MYOM2: variants seen among roughly 807,000 people sequenced by gnomAD.
The protein encoded by MYOM2 is myomesin-2.
A neutral mutation model predicts 187.6 loss-of-function variants in MYOM2; 254 were observed. That is an observed-to-expected ratio of 1.35 (90% CI 1.22 to 1.50). The LOEUF (loss-of-function observed/expected upper bound fraction) is 1.50, where lower values mean the gene tolerates loss of function less well. Ranked by LOEUF, MYOM2 falls within the 40% of genes most tolerant of loss-of-function variation. MYOM2 has a pLI of 0.00. For synonymous variants in MYOM2, 981 were observed against 753.8 expected, an observed-to-expected ratio of 1.30 and a Z score of -4.94; for missense variants, 2,796 against 1,924.0, an observed-to-expected ratio of 1.45 and a Z score of -8.48.
At chr8:2,121,216 A>G (rs1247248127) in intron 28 of MYOM2, among the ~76,000 whole-genome samples, 1 of 152,168 alleles carries the variant, frequency 6.6e-6, no homozygotes, top group Non-Finnish European at 1.5e-5. Context: ...TCAGTTCCTT[A>G]GGGAGTCAGC....
chr8:2,140,442 C>A (rs1798234449), intron 32 of MYOM2, among the ~76,000 whole-genome samples: 1 of 151,960 alleles, frequency 6.6e-6, no homozygotes, highest in Non-Finnish European at 1.5e-5. Flanking sequence ...TTTTGAGGAA[C>A]TACCATACTA....
intron 28 of MYOM2, among the ~76,000 whole-genome samples, chr8:2,120,938 G>A (rs1797432529): frequency 1.3e-5 from 2 of 151,494 alleles, no homozygotes; most frequent in African/African-American, 2.4e-5. Context: ...TCTTGCACTA[G>A]TGTGTTTAAA....
chr8:2,102,727 G>A lies in MYOM2; in HGVS notation c.2680G>A (p.Gly894Ser), dbSNP rs763133482. 1.9e-6 allele frequency: 3 copies of A among 1,614,138 alleles called. No individual in the cohort carries two copies. The highest frequency in any genetic ancestry group is 2.2e-5 in the East Asian group (1 of 44,888). Reference sequence around the variant, plus strand: ...CAGGGTCCGGGCAGTCAATGCAAATGGCGTGGGGAAGCCCTCAGACACGTC... The same window carrying A: ...CAGGGTCCGGGCAGTCAATGCAAATAGCGTGGGGAAGCCCTCAGACACGTC... ...VFRVRAVNAN[G>S]VGKPSDTSEP... The change falls in exon 21 of 37, where the codon GGC becomes AGC. Residue 894 changes from glycine to serine, a missense_variant. Transcript: ENST00000262113.
At chr8:2,124,592 CAT>C (rs1797573136) in intron 31 of MYOM2, among the ~76,000 whole-genome samples, 3 of 152,182 alleles carry the variant, frequency 2.0e-5, no homozygotes, top group Admixed American at 6.5e-5. Flanking sequence ...CACATTAAAC[CAT>C]ATGTTATCTT....
chr8:2,122,956 C>T (rs1242058110), intron 28 of MYOM2, among the ~76,000 whole-genome samples: 1 of 121,308 alleles, frequency 8.2e-6, no homozygotes, highest in Non-Finnish European at 1.7e-5. Flanking sequence ...AATGACATTT[C>T]ATATAGACCA....
chr8:2,116,723 T>C (rs1369149874), intron 27 of MYOM2, among the ~76,000 whole-genome samples: 3 of 152,192 alleles, frequency 2.0e-5, no homozygotes, highest in Non-Finnish European at 4.4e-5. Flanking sequence ...GGATACACTT[T>C]AGATTCTCAA....
At chr8:2,131,448 C>G (rs1265796011) in intron 32 of MYOM2, among the ~76,000 whole-genome samples, 1 of 151,774 alleles carries the variant, frequency 6.6e-6, no homozygotes, top group South Asian at 2.1e-4. Context: ...AGGGTGGGTC[C>G]TAGATAGGCA....
chr8:2,141,295 G>C, intron 34 of MYOM2, 118 bp downstream of exon 34: 1 of 809,968 alleles, frequency 1.2e-6, no homozygotes, highest in Non-Finnish European at 2.0e-6. Context: ...AGCCATTCCT[G>C]GGACAGAAGT....
chr8:2,122,926 G>A (rs763624453), intron 28 of MYOM2, among the ~76,000 whole-genome samples: 22 of 151,996 alleles, frequency 1.4e-4, no homozygotes, highest in Admixed American at 7.2e-4. Context: ...CATATATATT[G>A]CTTAAGACTT....
At chr8:2,116,849 C>A (rs541725937) in intron 27 of MYOM2, among the ~76,000 whole-genome samples, 58 of 152,306 alleles carry the variant, frequency 3.8e-4, no homozygotes, top group African/African-American at 1.3e-3. Context: ...GCTCCGCCTC[C>A]CGGGTTCACG....
rs587609903 is a variant in MYOM2 at position 2,081,357 on chromosome 8, C to T, written c.1516+1744C>T. 9.9e-5 allele frequency among the ~76,000 whole-genome samples: 14 copies of T among 140,834 alleles called. 1 individual carries two copies. The highest frequency in any genetic ancestry group is 2.2e-4 in the East Asian group (1 of 4,550). 92.4% of individuals were successfully genotyped at this position (140,834 alleles called of 152,430 possible). On this transcript the variant is annotated intron_variant, in intron 13 of 36. Coordinates refer to ENST00000262113, the MANE Select transcript of MYOM2 (RefSeq NM_003970.4). ...CCTGCGGGAGGAACAGGCAGCCCAG[C>T]CCATGTAGAATGAGGTTTGGTTCTG...
At chr8:2,127,016 G>A (rs981161681) in intron 31 of MYOM2, among the ~76,000 whole-genome samples, 5 of 151,916 alleles carry the variant, frequency 3.3e-5, no homozygotes, top group Non-Finnish European at 7.4e-5. Flanking sequence ...GCTGATAGAG[G>A]CTGGGGGAGC....
intron 6 of MYOM2, among the ~76,000 whole-genome samples, chr8:2,064,865 C>T (rs1257576899): frequency 6.6e-6 from 1 of 152,206 alleles, no homozygotes; most frequent in Non-Finnish European, 1.5e-5. Flanking sequence ...TGTACCCCTC[C>T]CAGCTATCCC....
At chr8:2,143,278 G>A (rs960552582) in intron 35 of MYOM2, 123 bp from the exon 36 acceptor site, 13 of 1,090,714 alleles carry the variant, frequency 1.2e-5, no homozygotes, top group South Asian at 3.9e-5. Context: ...TTTGATGCTC[G>A]CTCTCTCCTG....
intron 28 of MYOM2, among the ~76,000 whole-genome samples, chr8:2,121,357 C>A (rs1346095934): frequency 6.6e-6 from 1 of 152,086 alleles, no homozygotes; most frequent in African/African-American, 2.4e-5. Flanking sequence ...GTGGCGAGAC[C>A]CCCGAGTTCT....
In MYOM2 at chr8:2,123,651, A is replaced by G. The variant is rs774226508; in HGVS notation, c.3655+9A>G. The G allele has an allele frequency of 1.3e-5, 21 of 1,612,060 alleles. No homozygotes were observed. The South Asian group carries it at 2.2e-4, about 17-fold the overall frequency. ...TGAAATAGCTGGCAAAGGTAAAAGA[A>G]AACCTCCTTTGTTCTGTGAACAAGA... On this transcript the variant is annotated intron_variant, in intron 30 of 36. Transcript: ENST00000262113.
chr8:2,073,446 C>G lies in MYOM2; in HGVS notation c.1066C>G (p.Arg356Gly). 1 of 1,611,740 alleles carries G rather than the reference C, an allele frequency of 6.2e-7. No homozygotes were observed. Among genetic ancestry groups the G allele is most frequent in the Middle Eastern group, 1.7e-4 (1 of 6,052 alleles). The change falls in exon 10 of 37, where the codon CGC becomes GGC. Residue 356 changes from arginine (R) to glycine (G), a missense_variant. Arg to Gly is a moderately radical substitution (Grantham distance 125). Transcript: ENST00000262113. ...GGACGACGAGGGCCTGTACACCCTG[C>G]GCATCGTGTCTCGGGGCGGCGTCAG... ...HKDDEGLYTL[R>G]IVSRGGVSDH... is the part of the protein sequence containing the mutation.
In MYOM2 at chr8:2,087,343, G is replaced by A. The variant is rs906158426; in HGVS notation, c.1644+1953G>A. On this transcript the variant is annotated intron_variant, in intron 14 of 36. Coordinates refer to ENST00000262113, the MANE Select transcript of MYOM2 (RefSeq NM_003970.4). The stretch of plus-strand genomic sequence containing the variant: ...GCATGGCGGAAACAGGAATGGAAAC[G>A]AACCATATTTCAGACTCCAGCATGG... Among the ~76,000 whole-genome samples the A allele has an allele frequency of 9.2e-5, 14 of 152,128 alleles. No homozygotes were observed. The South Asian group carries it at 1.0e-3, about 11-fold the overall frequency.
At position 2,052,259 on chromosome 8, in the gene MYOM2, T is replaced by A; in HGVS notation, c.209T>A (p.Val70Asp). Residue 70 changes from valine (V) to aspartate (D), a missense_variant, in exon 3 of 37, where the codon GTC becomes GAC. Physicochemically the swap from Val to Asp is radical, Grantham distance 152. Transcript: ENST00000262113. ...TCCCTGGGAGGAACCATCTGCAGGG[T>A]CTGTGCGAAGCGAGTGAGCACGCAG... ...QTSLGGTICRVCAKRVSTQED... is the reference protein window; with the variant it reads ...QTSLGGTICRDCAKRVSTQED... 11 of 1,612,640 alleles carry A rather than the reference T, an allele frequency of 6.8e-6. No homozygotes were observed. Among genetic ancestry groups the A allele is most frequent in the Non-Finnish European group, 9.3e-6 (11 of 1,179,682 alleles).
Sources: allele counts gnomAD v4.1 joint callset (sites outside exome capture counted in the v4.1 genomes callset), GRCh38; gene constraint gnomAD v4.1.1; transcripts MANE v1.5; gene names NCBI Gene and HGNC (gene_info 2026-07-23, HGNC 2026-07-21).